AAMDC: variants seen among roughly 807,000 people sequenced by gnomAD.
The protein encoded by AAMDC is adipogenesis associated Mth938 domain containing, also known as mth938 domain-containing protein.
Under a neutral mutation model 15.5 loss-of-function variants are expected in AAMDC, and 16 were observed. The ratio of observed to expected loss-of-function variants is 1.03; its 90% CI spans 0.70 to 1.57. The LOEUF is 1.57. AAMDC is among the 40% of genes most tolerant of loss of function. The pLI is 0.00. For synonymous variants in AAMDC, 51 were observed against 51.6 expected, an observed-to-expected ratio of 0.99 and a Z score of 0.05; for missense variants, 141 against 144.9, an observed-to-expected ratio of 0.97 and a Z score of 0.14.
chr11:77,885,393 A>G (rs1481909753), intron 5 of AAMDC, among the ~76,000 whole-genome samples: 1 of 152,116 alleles, frequency 6.6e-6, no homozygotes, highest in East Asian at 1.9e-4. Flanking sequence ...TATTTCTTAA[A>G]GCTGCTACTC....
chr11:77,894,276 TATAAA>T (rs1164404572), intron 5 of AAMDC: 1 of 1,407,454 alleles, frequency 7.1e-7, no homozygotes, highest in African/African-American at 1.4e-5. Context: ...CCAGAAGAGT[TATAAA>T]ATACTTACCT....
chr11:77,864,755 G>GA (rs1261338423), intron 2 of AAMDC, among the ~76,000 whole-genome samples: 1 of 152,152 alleles, frequency 6.6e-6, no homozygotes, highest in African/African-American at 2.4e-5. Context: ...AAGATGGGAG[G>GA]ATTGTTTGAG....
chr11:77,894,742 T>A (rs1401136545), intron 5 of AAMDC, among the ~76,000 whole-genome samples: 3 of 152,208 alleles, frequency 2.0e-5, no homozygotes, highest in Non-Finnish European at 4.4e-5. Context: ...TTAGATCTCA[T>A]CTCCTTGCAC....
intron 5 of AAMDC, among the ~76,000 whole-genome samples, chr11:77,898,162 C>T (rs555842413): frequency 6.6e-6 from 1 of 151,996 alleles, no homozygotes; most frequent in South Asian, 2.1e-4. Flanking sequence ...CTTAACTGGC[C>T]TAAATTATTA....
intron 5 of AAMDC, among the ~76,000 whole-genome samples, chr11:77,895,221 A>C (rs529165375): frequency 6.6e-6 from 1 of 152,152 alleles, no homozygotes; most frequent in Non-Finnish European, 1.5e-5. Context: ...TATTTCTTGT[A>C]TGTAATTTCT....
At chr11:77,855,106 G>A (rs1199135599) in intron 2 of AAMDC, among the ~76,000 whole-genome samples, 1 of 152,150 alleles carries the variant, frequency 6.6e-6, no homozygotes, top group East Asian at 1.9e-4. Context: ...GCTATGACCT[G>A]AGGCTGCACA....
At chr11:77,823,602 AC>A (rs2136023172) in intron 1 of AAMDC, among the ~76,000 whole-genome samples, 1 of 130,096 alleles carries the variant, frequency 7.7e-6, no homozygotes, top group East Asian at 2.2e-4. Flanking sequence ...AGCCTGGGCG[AC>A]AGAACTACAC....
intron 1 of AAMDC, among the ~76,000 whole-genome samples, chr11:77,841,527 G>A (rs545008704): frequency 6.6e-6 from 1 of 152,304 alleles, no homozygotes; most frequent in South Asian, 2.1e-4. Flanking sequence ...GTGTACAGGG[G>A]AGTGCGTTCA....
intron 2 of AAMDC, among the ~76,000 whole-genome samples, chr11:77,866,137 G>A: frequency 6.6e-6 from 1 of 152,208 alleles, no homozygotes; most frequent in South Asian, 2.1e-4. Flanking sequence ...CTTTGGAAGA[G>A]TAGTTTAGGA....
At chr11:77,891,500 G>A in intron 5 of AAMDC, 1 of 1,610,022 alleles carries the variant, frequency 6.2e-7, no homozygotes, top group Non-Finnish European at 8.5e-7. Flanking sequence ...TTTAAAGCCA[G>A]GTCATTCCTG....
intron 5 of AAMDC, among the ~76,000 whole-genome samples, chr11:77,892,909 G>C (rs911398166): frequency 6.6e-6 from 1 of 152,172 alleles, no homozygotes; most frequent in Admixed American, 6.5e-5. Context: ...AAAAAGCCAA[G>C]CTAGATGGTA....
chr11:77,881,958 C>A (rs1035277697), intron 5 of AAMDC, among the ~76,000 whole-genome samples: 1 of 151,094 alleles, frequency 6.6e-6, no homozygotes, highest in Non-Finnish European at 1.5e-5. Context: ...GTTACCCAGG[C>A]TGGAGTGTAG....
At chr11:77,822,551 A>G (rs1182982987) in intron 1 of AAMDC, among the ~76,000 whole-genome samples, 1 of 152,170 alleles carries the variant, frequency 6.6e-6, no homozygotes, top group Non-Finnish European at 1.5e-5. Flanking sequence ...TGGTCACACA[A>G]ACACCGAATT....
chr11:77,826,235 G>A (rs185550892), intron 1 of AAMDC, among the ~76,000 whole-genome samples: 118 of 152,138 alleles, frequency 7.8e-4, no homozygotes, highest in Middle Eastern at 6.8e-3. Flanking sequence ...GGTGGTGCAT[G>A]CCTGTAGTCC....
intron 5 of AAMDC, among the ~76,000 whole-genome samples, chr11:77,890,564 G>C (rs1952218492): frequency 6.6e-6 from 1 of 152,060 alleles, no homozygotes; most frequent in Admixed American, 6.6e-5. Context: ...AGACAGTCTA[G>C]GAGATGACCC....
chr11:77,895,677 G>T (rs1358864936), intron 5 of AAMDC, among the ~76,000 whole-genome samples: 3 of 151,788 alleles, frequency 2.0e-5, no homozygotes, highest in East Asian at 1.9e-4. Flanking sequence ...TTCCAGCCAA[G>T]CAAGGGCACA....
Position 77,869,810 on chromosome 11 carries a change from C to G in AAMDC, c.221C>G (p.Ala74Gly). ...GTGATTGGCCGAGGGATGAGTGAGG[C>G]CTTGAAGGTAGGTGTTGGTATGCAC... is the stretch of plus-strand genomic sequence containing the variant. ...TLVIGRGMSE[A>G]LKVPSSTVEY... The change falls in exon 3 of 4, where the codon GCC becomes GGC. Residue 74 changes from alanine (A) to glycine (G), a missense_variant. Coordinates refer to ENST00000393427, the MANE Select transcript of AAMDC (RefSeq NM_024684.4). 6.2e-7 allele frequency: 1 copy of G among 1,613,580 alleles called. No individual in the cohort carries two copies.
chr11:77,827,305 T>C (rs2136047585), intron 1 of AAMDC, among the ~76,000 whole-genome samples: 1 of 152,234 alleles, frequency 6.6e-6, no homozygotes, highest in East Asian at 1.9e-4. Context: ...TGAGGACAGA[T>C]TTTCCTTAGT....
At chr11:77,852,224 C>CAAAAAAAAAAAAAAAAAAAAAAAAAA (rs545742213) in intron 2 of AAMDC, among the ~76,000 whole-genome samples, 6 of 33,514 alleles carry the variant, frequency 1.8e-4, no homozygotes, top group East Asian at 9.5e-4. Flanking sequence ...GACACTGTCT[C>CAAAAAAAAAAAAAAAAAAAAAAAAAA]AAAAAAAAAA....
Sources: gnomAD v4.1 joint callset for allele counts (sites outside exome capture counted in the v4.1 genomes callset) on GRCh38, gnomAD v4.1.1 for gene constraint, MANE v1.5 for transcripts, NCBI Gene and HGNC (gene_info 2026-07-23, HGNC 2026-07-21) for gene names.